Variants in RPH3AL observed in about 807,000 individuals in gnomAD.
RPH3AL encodes rab effector Noc2.
In RPH3AL, 38 loss-of-function variants were observed where a neutral mutation model predicts 43.1. The observed-to-expected ratio is 0.88, with a 90% CI of 0.68 to 1.15. The LOEUF is 1.15. Ranked by LOEUF, RPH3AL falls within the 50% of genes most tolerant of loss-of-function variation. The probability of loss-of-function intolerance (pLI) is 0.00; values close to 1 mark genes in which losing one functional copy is unlikely to be tolerated. For synonymous variants in RPH3AL, 189 were observed against 176.3 expected, an observed-to-expected ratio of 1.07 and a Z score of -0.57; for missense variants, 462 against 423.2, an observed-to-expected ratio of 1.09 and a Z score of -0.81.
chr17:293,262 C>T (rs1004229541), intron 5 of RPH3AL, among the ~76,000 whole-genome samples: 4 of 152,232 alleles, frequency 2.6e-5, no homozygotes, highest in African/African-American at 7.2e-5. Flanking sequence ...GCCTGCCACT[C>T]ATGCAGTTAC....
intron 6 of RPH3AL, among the ~76,000 whole-genome samples, chr17:271,842 G>A (rs2042471182): frequency 6.6e-6 from 1 of 152,162 alleles, no homozygotes; most frequent in Non-Finnish European, 1.5e-5. Context: ...TCCCTGTCTT[G>A]TGCCAGTTTT....
chr17:311,093 G>T (rs572629356), intron 5 of RPH3AL, among the ~76,000 whole-genome samples: 170 of 152,008 alleles, frequency 1.1e-3, no homozygotes, highest in Non-Finnish European at 3.1e-4. Flanking sequence ...CCCATTCACT[G>T]CTCAAATGCA....
At chr17:248,501 G>T (rs1347749058) in intron 6 of RPH3AL, among the ~76,000 whole-genome samples, 1 of 152,164 alleles carries the variant, frequency 6.6e-6, no homozygotes, top group Non-Finnish European at 1.5e-5. Flanking sequence ...CCCTGGGGAA[G>T]TGGTGAGAGT....
chr17:250,980 T>C (rs1217239459), intron 6 of RPH3AL, among the ~76,000 whole-genome samples: 2 of 152,260 alleles, frequency 1.3e-5, no homozygotes, highest in Non-Finnish European at 2.9e-5. Flanking sequence ...GAACACACCG[T>C]GCTCTCTACC....
At chr17:250,340 G>A (rs528691493) in intron 6 of RPH3AL, among the ~76,000 whole-genome samples, 226 of 116,180 alleles carry the variant, frequency 1.9e-3, no homozygotes, top group African/African-American at 3.5e-3. Context: ...CCGTCGCTGC[G>A]GGACCTCTCA....
At position 289,724 on chromosome 17, in the gene RPH3AL, TG is replaced by T. The variant is rs1452698569; in HGVS notation, c.352-7871del. 1.3e-5 allele frequency among the ~76,000 whole-genome samples: 2 copies of T among 152,188 alleles called. No homozygotes were observed. The highest frequency in any genetic ancestry group is 3.8e-4 in the East Asian group (2 of 5,196). On this transcript the variant is annotated intron_variant, in intron 5 of 9. Coordinates refer to ENST00000331302, the MANE Select transcript of RPH3AL (RefSeq NM_006987.4). The surrounding 1 kb of genome is among the most constrained non-coding windows in gnomAD (Gnocchi z 5.2). ...CTGAGCTCCAGCCGTGTGGGCCGTT[TG>T]TCAGCCCCTGGTCCTTCTGCCACAG... is the stretch of plus-strand genomic sequence containing the variant.
At chr17:236,560 G>A (rs1465070698) in intron 7 of RPH3AL, among the ~76,000 whole-genome samples, 14 of 152,188 alleles carry the variant, frequency 9.2e-5, no homozygotes, top group African/African-American at 2.7e-4. Context: ...GGGTGGGGGT[G>A]GGGCAGATGG....
At chr17:282,441 G>T (rs112160764) in intron 5 of RPH3AL, among the ~76,000 whole-genome samples, 72 of 152,240 alleles carry the variant, frequency 4.7e-4, no homozygotes, top group Middle Eastern at 6.8e-3. Flanking sequence ...TGGCAGCCAC[G>T]GATTCCGGTC....
chr17:281,696 C>A, intron 6 of RPH3AL, 72 bp downstream of exon 6: 1 of 865,952 alleles, frequency 1.2e-6, no homozygotes, highest in Non-Finnish European at 1.9e-6. Context: ...TCACCCTGAC[C>A]GTCCACCCAT....
chr17:266,307 T>C (rs566927816), intron 6 of RPH3AL, among the ~76,000 whole-genome samples: 3 of 151,410 alleles, frequency 2.0e-5, no homozygotes, highest in African/African-American at 7.3e-5. Context: ...GGTGTGTGTG[T>C]GTGCACCTGC....
intron 6 of RPH3AL, among the ~76,000 whole-genome samples, chr17:277,588 AAG>A (rs2042682960): frequency 6.6e-6 from 1 of 152,348 alleles, no homozygotes; most frequent in South Asian, 2.1e-4. Flanking sequence ...TACCCTTTAA[AAG>A]AGGGGGAGAT....
chr17:342,426 T>C (rs1467662005), intron 1 of RPH3AL, among the ~76,000 whole-genome samples: 1 of 152,302 alleles, frequency 6.6e-6, no homozygotes, highest in East Asian at 1.9e-4. Context: ...AGCAGCACCA[T>C]TCACAATAGC....
chr17:297,232 C>T (rs938196580), intron 5 of RPH3AL, among the ~76,000 whole-genome samples: 1 of 152,252 alleles, frequency 6.6e-6, no homozygotes, highest in African/African-American at 2.4e-5. Context: ...CCACCCAGGG[C>T]ACCTCTCCCA....
intron 5 of RPH3AL, among the ~76,000 whole-genome samples, chr17:315,968 T>A (rs1555520511): frequency 5.3e-4 from 79 of 147,832 alleles, no homozygotes; most frequent in East Asian, 1.4e-3. Context: ...TGACCCCACC[T>A]CCACTGACGT....
In RPH3AL at chr17:293,219, CG is replaced by C. The variant is rs375052047; in HGVS notation, c.352-11366del. Among the ~76,000 whole-genome samples the C allele has an allele frequency of 3.2e-4, 49 of 152,290 alleles. No homozygotes were observed. In the East Asian group the frequency reaches 9.1e-3, roughly 28 times the overall value. Reference sequence around the variant, plus strand: ...CATCATTTCCTGTGGCTTTCAAGCTCGGCTTCCAAAACACCAAACACCTCCT... The same window carrying C: ...CATCATTTCCTGTGGCTTTCAAGCTCGCTTCCAAAACACCAAACACCTCCT... On this transcript the variant is annotated intron_variant, in intron 5 of 9. Coordinates refer to ENST00000331302, the MANE Select transcript of RPH3AL (RefSeq NM_006987.4).
intron 5 of RPH3AL, among the ~76,000 whole-genome samples, chr17:318,068 TATA>T (rs1598117839): frequency 6.6e-6 from 1 of 152,154 alleles, no homozygotes; most frequent in African/African-American, 2.4e-5. Flanking sequence ...TCTTCTTCAG[TATA>T]ATAACTCCAG....
At chr17:288,805 TCG>T (rs2042978493) in intron 5 of RPH3AL, among the ~76,000 whole-genome samples, 2 of 23,296 alleles carry the variant, frequency 8.6e-5, no homozygotes, top group Non-Finnish European at 2.3e-4. Flanking sequence ...CCGTCAGACC[TCG>T]CACCCTCTCT....
intron 5 of RPH3AL, among the ~76,000 whole-genome samples, chr17:306,918 C>T (rs2043502405): frequency 1.3e-5 from 2 of 152,184 alleles, no homozygotes; most frequent in South Asian, 4.1e-4. Context: ...CCGATGCCCC[C>T]ACACTTCCTG....
chr17:239,964 G>A (rs1202346196), intron 7 of RPH3AL, among the ~76,000 whole-genome samples: 1 of 152,164 alleles, frequency 6.6e-6, no homozygotes, highest in South Asian at 2.1e-4. Context: ...TTGGCCAGGT[G>A]CAGTGGCTCA....
Sources: gnomAD v4.1 joint callset for allele counts (sites outside exome capture counted in the v4.1 genomes callset) on GRCh38, gnomAD v4.1.1 for gene constraint, Gnocchi (gnomAD v3.1) non-coding constraint, MANE v1.5 for transcripts, NCBI Gene and HGNC (gene_info 2026-07-23, HGNC 2026-07-21) for gene names.